GDPD5: variants seen among roughly 807,000 people sequenced by gnomAD.
GDPD5 encodes glycerophosphodiester phosphodiesterase 2.
Under a neutral mutation model 75.1 loss-of-function variants are expected in GDPD5, and 48 were observed. That is an observed-to-expected ratio of 0.64 (90% CI 0.51 to 0.81). GDPD5 has a LOEUF of 0.81. Among genes scored for constraint, GDPD5 ranks in the 40% least tolerant of loss-of-function variants. GDPD5 has a pLI of 0.00. For synonymous variants in GDPD5, 336 were observed against 339.0 expected, an observed-to-expected ratio of 0.99 and a Z score of 0.10; for missense variants, 706 against 822.6, an observed-to-expected ratio of 0.86 and a Z score of 1.73.
rs762329128 is a variant in GDPD5 at position 75,443,083 on chromosome 11, C to T, written c.948+53G>A. The T allele has an allele frequency of 1.8e-5, 28 of 1,559,728 alleles. No individual in the cohort carries two copies. The South Asian group carries it at 2.8e-4, about 16-fold the overall frequency. ...CCACCCTTGCACCTCTCACTCCTTG[C>T]AGTCCCTGCTGGTGTTTTCCATGCC... On this transcript the variant is annotated intron_variant, in intron 11 of 16. Coordinates refer to ENST00000336898, the MANE Select transcript of GDPD5 (RefSeq NM_030792.8).
chr11:75,454,140 C>T (rs973766604), intron 6 of GDPD5, among the ~76,000 whole-genome samples: 9 of 152,142 alleles, frequency 5.9e-5, no homozygotes, highest in Non-Finnish European at 7.4e-5. Context: ...GGCTAATTTC[C>T]CACATCTATA....
Position 75,448,492 on chromosome 11 carries a change from C to T in GDPD5, c.714+485G>A, listed in dbSNP as rs552881372. ...ATGGCTCTGGAGCCTGCCCTCTCAC[C>T]GAAGCTCTCCTGCAGGGCTATGGAG... On this transcript the variant is annotated intron_variant, in intron 9 of 16. Coordinates refer to ENST00000336898, the MANE Select transcript of GDPD5 (RefSeq NM_030792.8). The T allele has an allele frequency of 2.3e-5, 23 of 985,854 alleles. No individual in the cohort carries two copies. The East Asian group carries it at 1.7e-3, about 73-fold the overall frequency. 61.1% of individuals were successfully genotyped at this position (985,854 alleles called of 1,614,324 possible).
Position 75,489,873 on chromosome 11 carries a change from G to A in GDPD5, c.-61+364C>T, listed in dbSNP as rs574100919. On this transcript the variant is annotated intron_variant, in intron 2 of 16. Transcript: ENST00000336898. ...CCTGCCTCAGCCTCCCAAGTAGCTG[G>A]GACTACAGGTGCATGCCACCATGCC... is the stretch of plus-strand genomic sequence containing the variant. 2.0e-5 allele frequency among the ~76,000 whole-genome samples: 3 copies of A among 152,178 alleles called. No homozygotes were observed. In the East Asian group the frequency reaches 5.8e-4, roughly 29 times the overall value.
At chr11:75,460,026 C>T (rs896929440) in intron 4 of GDPD5, among the ~76,000 whole-genome samples, 1 of 152,058 alleles carries the variant, frequency 6.6e-6, no homozygotes, top group Non-Finnish European at 1.5e-5. Context: ...TCCTCAGAGT[C>T]CAGGGGAAAA....
chr11:75,441,145 C>G lies in GDPD5; in HGVS notation c.1473+18G>C, dbSNP rs1948786981. 6.2e-7 allele frequency: 1 copy of G among 1,612,146 alleles called. No individual in the cohort carries two copies. Among genetic ancestry groups the G allele is most frequent in the Non-Finnish European group, 8.5e-7 (1 of 1,178,964 alleles). Reference sequence around the variant, plus strand: ...GCTCCAGCACTGCCCCCCAGGGGCCCTCTGCCCCCCAACTCACCATGATCC... The same window carrying G: ...GCTCCAGCACTGCCCCCCAGGGGCCGTCTGCCCCCCAACTCACCATGATCC... On this transcript the variant is annotated intron_variant, in intron 14 of 16. Coordinates refer to ENST00000336898, the MANE Select transcript of GDPD5 (RefSeq NM_030792.8).
intron 1 of GDPD5, among the ~76,000 whole-genome samples, chr11:75,499,321 A>G (rs1950263923): frequency 6.9e-6 from 1 of 145,248 alleles, no homozygotes; most frequent in Non-Finnish European, 1.5e-5. Context: ...GCTGGTTTAT[A>G]CCCCCAAATG....
chr11:75,476,557 C>T (rs777248315), intron 3 of GDPD5, among the ~76,000 whole-genome samples: 24 of 152,038 alleles, frequency 1.6e-4, no homozygotes, highest in Non-Finnish European at 2.9e-5. Flanking sequence ...GTGGAGAGAC[C>T]GGGGCTCTAG....
intron 1 of GDPD5, among the ~76,000 whole-genome samples, chr11:75,524,926 C>T (rs1294550155): frequency 6.6e-6 from 1 of 152,232 alleles, no homozygotes; most frequent in Non-Finnish European, 1.5e-5. Context: ...GTCACTCAGC[C>T]CCGTTAAGCC....
intron 1 of GDPD5, among the ~76,000 whole-genome samples, chr11:75,512,837 C>T (rs1950555176): frequency 6.6e-6 from 1 of 152,124 alleles, no homozygotes; most frequent in Non-Finnish European, 1.5e-5. Flanking sequence ...ATCACTTGAA[C>T]CTGGGAGGCA....
In GDPD5 at chr11:75,441,102, C is replaced by G. The variant is rs1169673230; in HGVS notation, c.1473+61G>C. 9.0e-6 allele frequency: 14 copies of G among 1,556,954 alleles called. No individual in the cohort carries two copies. The East Asian group carries it at 2.7e-4, about 30-fold the overall frequency. ...CCAAGCACAGAGCTTGCCGAGTGGTCAGGGCAGGCTATAGGCAGCTCCAGC... is the reference window on the plus strand; with the variant it reads ...CCAAGCACAGAGCTTGCCGAGTGGTGAGGGCAGGCTATAGGCAGCTCCAGC... On this transcript the variant is annotated intron_variant, in intron 14 of 16. Coordinates refer to ENST00000336898, the MANE Select transcript of GDPD5 (RefSeq NM_030792.8).
chr11:75,498,627 C>T (rs1422967300), intron 1 of GDPD5, among the ~76,000 whole-genome samples: 1 of 152,202 alleles, frequency 6.6e-6, no homozygotes, highest in Non-Finnish European at 1.5e-5. Flanking sequence ...AAAGCCAAGT[C>T]ATCTGGGAGA....
In GDPD5 at chr11:75,439,821, G is replaced by T. The variant is rs1948735795; in HGVS notation, c.1556+58C>A. On this transcript the variant is annotated intron_variant, in intron 15 of 16. Transcript: ENST00000336898. ...AGGAGAGGGTTCACCTGGCTGGGGT[G>T]GGGGCTGGGCCTGCTGCAGGGTAGG... 3.4e-5 allele frequency: 47 copies of T among 1,388,506 alleles called. 1 individual carries two copies. In the South Asian group the frequency reaches 5.3e-4, roughly 16 times the overall value. The allele number at this position is 1,388,506 out of a possible 1,614,324, so 86.0% of individuals were successfully genotyped here. A position where few individuals can be genotyped will look rare whatever the true frequency, so the allele number is the denominator to read the frequency against.
At position 75,462,798 on chromosome 11, in the gene GDPD5, T is replaced by C; in HGVS notation, c.209A>G (p.Asp70Gly). Residue 70 changes from aspartate (D) to glycine (G), a missense_variant, in exon 4 of 17, where the codon GAT becomes GGT. Coordinates refer to ENST00000336898, the MANE Select transcript of GDPD5 (RefSeq NM_030792.8). Reference sequence around the variant, plus strand: ...TGCCCCTACTCACCAGTTGAATTCATCATAGTCATTGTGGACTTCCCACCA... The same window carrying C: ...TGCCCCTACTCACCAGTTGAATTCACCATAGTCATTGTGGACTTCCCACCA... Reference protein sequence around the residue: ...YFWWEVHNDYDEFNWYLYNRM... With the variant: ...YFWWEVHNDYGEFNWYLYNRM... The C allele has an allele frequency of 6.2e-7, 1 of 1,612,456 alleles. No homozygotes were observed. Among genetic ancestry groups the C allele is most frequent in the Non-Finnish European group, 8.5e-7 (1 of 1,178,938 alleles).
At chr11:75,498,844 G>GCTTAATCTCATAT (rs11267588) in intron 1 of GDPD5, among the ~76,000 whole-genome samples, 1 of 151,942 alleles carries the variant, frequency 6.6e-6, no homozygotes, top group South Asian at 2.1e-4. Context: ...CACCTTACAT[G>GCTTAATCTCATAT]AGTCTGTTGA....
At chr11:75,493,364 ACTCTT>A (rs1950147926) in intron 1 of GDPD5, among the ~76,000 whole-genome samples, 1 of 94,616 alleles carries the variant, frequency 1.1e-5, no homozygotes, top group South Asian at 3.4e-4. Context: ...CCCTAGTTAA[ACTCTT>A]CTCTGTTTTT....
intron 2 of GDPD5, among the ~76,000 whole-genome samples, chr11:75,482,985 G>C (rs567380928): frequency 3.3e-5 from 5 of 152,314 alleles, no homozygotes; most frequent in Admixed American, 6.5e-5. Flanking sequence ...TCTGCTAACA[G>C]AGGCATGCTA....
At chr11:75,493,527 G>A (rs763572756) in intron 1 of GDPD5, among the ~76,000 whole-genome samples, 10 of 151,746 alleles carry the variant, frequency 6.6e-5, no homozygotes, top group African/African-American at 1.5e-4. Flanking sequence ...TCAGCCTCCC[G>A]AGTAGCTGGG....
At chr11:75,438,874 CA>C (rs1164626892) in intron 15 of GDPD5, 1 of 171,366 alleles carries the variant, frequency 5.8e-6, no homozygotes, top group African/African-American at 2.4e-5. Context: ...ATGGGAGAGG[CA>C]GAGAAAGGTA....
At position 75,441,694 on chromosome 11, in the gene GDPD5, A is replaced by G. The variant is rs774851967; in HGVS notation, c.1277T>C (p.Ile426Thr). 5.0e-6 allele frequency: 8 copies of G among 1,609,116 alleles called. No homozygotes were observed. Among genetic ancestry groups the G allele is most frequent in the Non-Finnish European group, 8.5e-7 (1 of 1,178,714 alleles). Reference sequence around the variant, plus strand: ...AGTGTAGCGCAGGTTCAGCCGCTGGATGTGGCCTCTCCGCAGGCTGGCGAC... The same window carrying G: ...AGTGTAGCGCAGGTTCAGCCGCTGGGTGTGGCCTCTCCGCAGGCTGGCGAC... ...EAVASLRRGH[I>T]QRLNLRYTQV... is the part of the protein sequence containing the mutation. Residue 426 changes from isoleucine (I) to threonine (T), a missense_variant, in exon 13 of 17, where the codon ATC (isoleucine) becomes ACC (threonine). Physicochemically the swap from Ile to Thr is moderately conservative, Grantham distance 89. Transcript: ENST00000336898.
Sources: gnomAD v4.1 joint callset for allele counts (sites outside exome capture counted in the v4.1 genomes callset) on GRCh38, gnomAD v4.1.1 for gene constraint, MANE v1.5 for transcripts, NCBI Gene and HGNC (gene_info 2026-07-23, HGNC 2026-07-21) for gene names.